CAMTA1: variants seen among roughly 807,000 people sequenced by gnomAD.
CAMTA1 encodes calmodulin binding transcription activator 1, also known as calmodulin-binding transcription activator 1.
Under a neutral mutation model 170.9 loss-of-function variants are expected in CAMTA1, and 27 were observed. That is an observed-to-expected ratio of 0.16 (90% CI 0.12 to 0.22). The LOEUF is 0.22. Ranked by LOEUF, CAMTA1 falls within the 10% of genes least tolerant of loss-of-function variation. CAMTA1 has a pLI of 1.00. For missense variants in CAMTA1, 1,619 were observed against 2,217.2 expected, an observed-to-expected ratio of 0.73 and a Z score of 5.42; for synonymous variants, 833 against 891.5, an observed-to-expected ratio of 0.93 and a Z score of 1.17.
intron 4 of CAMTA1, among the ~76,000 whole-genome samples, chr1:7,215,857 C>T (rs192892471): frequency 4.5e-4 from 69 of 152,256 alleles, no homozygotes; most frequent in African/African-American, 1.5e-3. Flanking sequence ...TCACCTAACA[C>T]GTGACCAACT....
chr1:7,566,740 A>G (rs1481425885), intron 6 of CAMTA1, among the ~76,000 whole-genome samples: 3 of 152,132 alleles, frequency 2.0e-5, no homozygotes, highest in African/African-American at 7.2e-5. Context: ...CCTGCACATC[A>G]GGAGGGAAGA....
intron 4 of CAMTA1, among the ~76,000 whole-genome samples, chr1:7,156,361 A>G (rs1302483669): frequency 1.3e-5 from 2 of 152,154 alleles, no homozygotes; most frequent in African/African-American, 2.4e-5. Context: ...AGATACATGA[A>G]TGGTGAAAGT....
At chr1:6,978,777 A>G (rs577267204) in intron 3 of CAMTA1, among the ~76,000 whole-genome samples, 1 of 152,286 alleles carries the variant, frequency 6.6e-6, no homozygotes, top group African/African-American at 2.4e-5. Flanking sequence ...GATGTATTCT[A>G]TTGGTGAGTC....
At chr1:7,131,405 T>C (rs1394130943) in intron 4 of CAMTA1, among the ~76,000 whole-genome samples, 1 of 152,170 alleles carries the variant, frequency 6.6e-6, no homozygotes, top group South Asian at 2.1e-4. Flanking sequence ...CCAAGATCAT[T>C]AAGATTTTCT....
intron 6 of CAMTA1, among the ~76,000 whole-genome samples, chr1:7,537,306 G>T (rs1439532338): frequency 6.6e-6 from 1 of 152,212 alleles, no homozygotes; most frequent in African/African-American, 2.4e-5. Flanking sequence ...CACAGCCCCT[G>T]CTCCAGGCAG....
intron 5 of CAMTA1, among the ~76,000 whole-genome samples, chr1:7,297,184 C>G (rs1674077035): frequency 6.6e-6 from 1 of 152,162 alleles, no homozygotes; most frequent in Non-Finnish European, 1.5e-5. Context: ...CATGGTATAT[C>G]TCTATTCTAG....
At chr1:6,929,105 C>T (rs1380138882) in intron 3 of CAMTA1, among the ~76,000 whole-genome samples, 1 of 152,206 alleles carries the variant, frequency 6.6e-6, no homozygotes, top group East Asian at 1.9e-4. Context: ...ATATCATCAA[C>T]ATGTTGTAAA....
chr1:7,018,517 A>G (rs1321220674), intron 3 of CAMTA1, among the ~76,000 whole-genome samples: 1 of 152,032 alleles, frequency 6.6e-6, no homozygotes, highest in East Asian at 1.9e-4. Flanking sequence ...TGGCCATTTT[A>G]CAAACATTCC....
chr1:7,347,328 G>A (rs1340024739), intron 5 of CAMTA1, among the ~76,000 whole-genome samples: 1 of 152,198 alleles, frequency 6.6e-6, no homozygotes, highest in African/African-American at 2.4e-5. Context: ...GAGAGGGAGT[G>A]GCCCAAGGTC....
chr1:7,322,047 C>A (rs191448473), intron 5 of CAMTA1, among the ~76,000 whole-genome samples: 4 of 152,256 alleles, frequency 2.6e-5, no homozygotes, highest in Admixed American at 2.6e-4. Flanking sequence ...TTCTGCAGGC[C>A]TGGAAGATTT....
In CAMTA1 at chr1:7,665,319, A is replaced by T. The variant is rs887426604; in HGVS notation, c.2652+120A>T. The T allele has an allele frequency of 2.6e-6, 2 of 757,328 alleles. No individual in the cohort carries two copies. The highest frequency in any genetic ancestry group is 1.9e-6 in the Non-Finnish European group (1 of 530,810). 46.9% of individuals were successfully genotyped at this position (757,328 alleles called of 1,614,324 possible). A position where few individuals can be genotyped will look rare whatever the true frequency, so the allele number is the denominator to read the frequency against. On this transcript the variant is annotated intron_variant, in intron 9 of 22. Coordinates refer to ENST00000303635, the MANE Select transcript of CAMTA1 (RefSeq NM_015215.4). This position sits in a 1 kb window ranked among gnomAD's most constrained non-coding sequence, Gnocchi z 4.3. ...CCCTTCAGAGGAAGCTCTGGACCAC[A>T]AAGATGATGCTTTCCCCTCCTTGTG...
intron 5 of CAMTA1, among the ~76,000 whole-genome samples, chr1:7,313,902 G>A (rs575483941): frequency 7.9e-5 from 12 of 152,260 alleles, no homozygotes; most frequent in African/African-American, 2.4e-4. Flanking sequence ...AAAGCAGTGC[G>A]GAGAGGGCAC....
At chr1:6,845,367 C>A (rs1303282707) in intron 3 of CAMTA1, among the ~76,000 whole-genome samples, 1 of 152,164 alleles carries the variant, frequency 6.6e-6, no homozygotes, top group East Asian at 1.9e-4. Context: ...CTACCTCGGC[C>A]CTCAGGAAGT....
chr1:7,635,482 G>A lies in CAMTA1; in HGVS notation c.511-4918G>A, dbSNP rs536828303. Among the ~76,000 whole-genome samples, 3 of 152,056 alleles carry A rather than the reference G, an allele frequency of 2.0e-5. No homozygotes were observed. The highest frequency in any genetic ancestry group is 3.4e-3 in the Middle Eastern group (1 of 292). On this transcript the variant is annotated intron_variant, in intron 6 of 22. Coordinates refer to ENST00000303635, the MANE Select transcript of CAMTA1 (RefSeq NM_015215.4). The surrounding 1 kb of genome is among the most constrained non-coding windows in gnomAD (Gnocchi z 4.4). ...CAATTAGCGGGGCACTGTGGCGGGC[G>A]CCTGTACTCCCAGCTACTCCAGAGG... is the stretch of plus-strand genomic sequence containing the variant.
intron 6 of CAMTA1, among the ~76,000 whole-genome samples, chr1:7,544,702 A>G (rs1218364290): frequency 2.0e-5 from 3 of 152,222 alleles, no homozygotes; most frequent in Non-Finnish European, 2.9e-5. Flanking sequence ...GGATTCTGGC[A>G]GCTGGAAGGT....
intron 6 of CAMTA1, among the ~76,000 whole-genome samples, chr1:7,606,281 GC>G (rs2095485857): frequency 1.3e-5 from 2 of 152,176 alleles, no homozygotes; most frequent in South Asian, 4.1e-4. Context: ...CCAAGGAGTG[GC>G]TGGGGCAGGG....
At chr1:6,802,731 T>C (rs1644017523) in intron 1 of CAMTA1, among the ~76,000 whole-genome samples, 1 of 151,130 alleles carries the variant, frequency 6.6e-6, no homozygotes, top group Admixed American at 6.6e-5. Flanking sequence ...TCTTTGTCTC[T>C]CTCTCTCTCT....
intron 4 of CAMTA1, among the ~76,000 whole-genome samples, chr1:7,116,578 T>C (rs6577415): frequency 1 from 152,218 of 152,228 alleles, 76,104 homozygotes; most frequent in Middle Eastern, 1. Flanking sequence ...TCCACCCACT[T>C]TAATTTCATA....
chr1:7,116,030 T>A (rs1009180533), intron 4 of CAMTA1, among the ~76,000 whole-genome samples: 8 of 152,178 alleles, frequency 5.3e-5, no homozygotes, highest in Non-Finnish European at 1.5e-5. Context: ...CCAGTTAGAT[T>A]GACACATAAC....
Sources: gnomAD v4.1 joint callset for allele counts (sites outside exome capture counted in the v4.1 genomes callset) on GRCh38, gnomAD v4.1.1 for gene constraint, Gnocchi (gnomAD v3.1) non-coding constraint, MANE v1.5 for transcripts, NCBI Gene and HGNC (gene_info 2026-07-23, HGNC 2026-07-21) for gene names.